The following PLCG2 variants were observed in gnomAD, a reference collection of about 807,000 sequenced individuals.
PLCG2 encodes the protein 1-phosphatidylinositol 4,5-bisphosphate phosphodiesterase gamma-2.
A neutral mutation model predicts 175.6 loss-of-function variants in PLCG2; 69 were observed. The ratio of observed to expected loss-of-function variants is 0.39; its 90% CI spans 0.32 to 0.48. The LOEUF is 0.48. Among genes scored for constraint, PLCG2 ranks in the 20% least tolerant of loss-of-function variants. The probability of loss-of-function intolerance (pLI) is 0.91; values close to 1 mark genes in which losing one functional copy is unlikely to be tolerated. For synonymous variants in PLCG2, 827 were observed against 624.0 expected (o/e 1.33, Z -4.85); for missense variants, 1,798 against 1,650.9 (o/e 1.09, Z -1.54).
At chr16:81,823,402 C>A (rs954339233) in intron 2 of PLCG2, among the ~76,000 whole-genome samples, 1 of 152,204 alleles carries the variant, frequency 6.6e-6, no homozygotes, top group Non-Finnish European at 1.5e-5. Flanking sequence ...GCTCCCCACC[C>A]CTCGCCCCAT....
intron 2 of PLCG2, among the ~76,000 whole-genome samples, chr16:81,805,296 G>A (rs1911945689): frequency 1.3e-5 from 2 of 151,982 alleles, no homozygotes; most frequent in Admixed American, 6.6e-5. Context: ...TCAGGAGATC[G>A]AGACCATCCT....
In PLCG2 at chr16:81,786,000, C is replaced by G. The variant is rs199972098; in HGVS notation, c.11C>G (p.Thr4Arg). 1 of 1,613,544 alleles carries G rather than the reference C, an allele frequency of 6.2e-7. No individual in the cohort carries two copies. Among genetic ancestry groups the G allele is most frequent in the Non-Finnish European group, 8.5e-7 (1 of 1,179,606 alleles). Residue 4 changes from threonine (T) to arginine (R), a missense_variant, in exon 2 of 33, where the codon ACG becomes AGG. By Grantham distance (71) the Thr-to-Arg change is moderately conservative. Transcript: ENST00000564138. MST[T>R]VNVDSLAEYE... ...CTGGAGCGGCCGACAATGTCCACCACGGTCAATGTAGATTCCCTTGCGGAA... is the reference window on the plus strand; with the variant it reads ...CTGGAGCGGCCGACAATGTCCACCAGGGTCAATGTAGATTCCCTTGCGGAA...
intron 21 of PLCG2, among the ~76,000 whole-genome samples, chr16:81,921,887 T>G (rs1388701193): frequency 6.6e-6 from 1 of 152,234 alleles, no homozygotes; most frequent in African/African-American, 2.4e-5. Flanking sequence ...AAATTTATAA[T>G]CCATGGCCAA....
intron 30 of PLCG2, 42 bp downstream of exon 30, chr16:81,940,101 T>C (rs748743758): frequency 1.3e-6 from 2 of 1,541,196 alleles, no homozygotes; most frequent in Non-Finnish European, 1.8e-6. Flanking sequence ...TGGGCTGGCG[T>C]TGTACTTTGG....
chr16:81,931,084 T>C (rs1212794923), intron 24 of PLCG2, among the ~76,000 whole-genome samples: 1 of 152,104 alleles, frequency 6.6e-6, no homozygotes, highest in Admixed American at 6.5e-5. Context: ...TTTTTCAGGT[T>C]CTCTCATGCA....
intron 2 of PLCG2, among the ~76,000 whole-genome samples, chr16:81,793,252 A>G (rs1298478869): frequency 6.6e-6 from 1 of 152,142 alleles, no homozygotes; most frequent in Non-Finnish European, 1.5e-5. Context: ...TTGTCTGTGA[A>G]TGTCGGGAGG....
rs776062417 is a variant in PLCG2, at chr16:81,891,573, C to T, written c.969C>T (p.Ile323=). 3 of 1,585,826 alleles carry T rather than the reference C, an allele frequency of 1.9e-6. No homozygotes were observed. Among genetic ancestry groups the T allele is most frequent in the Non-Finnish European group, 1.7e-6 (2 of 1,154,422 alleles). Residue 323 remains isoleucine, a synonymous_variant, in exon 11 of 33, where the codon ATC becomes ATT. Coordinates refer to ENST00000564138, the MANE Select transcript of PLCG2 (RefSeq NM_002661.5). ...ACAACCCCCTGTCTCATTACTGGATCTCCTCGTCACATAACACGTGAGTTT... is the reference window on the plus strand; with the variant it reads ...ACAACCCCCTGTCTCATTACTGGATTTCCTCGTCACATAACACGTGAGTTT... ...DMNNPLSHYW[I]SSSHNTYLTG...
At chr16:81,782,343 A>T (rs1054963843) in intron 1 of PLCG2, among the ~76,000 whole-genome samples, 1 of 152,202 alleles carries the variant, frequency 6.6e-6, no homozygotes, top group Non-Finnish European at 1.5e-5. Context: ...AGAATTACCC[A>T]TTAAGAATGG....
At chr16:81,904,511 G>A (rs1020878275) in intron 14 of PLCG2, among the ~76,000 whole-genome samples, 2 of 152,178 alleles carry the variant, frequency 1.3e-5, no homozygotes, top group African/African-American at 4.8e-5. Context: ...CACACAGCTG[G>A]TAGAATAGCT....
chr16:81,817,428 G>A (rs552464280), intron 2 of PLCG2, among the ~76,000 whole-genome samples: 11 of 152,296 alleles, frequency 7.2e-5, no homozygotes, highest in South Asian at 6.2e-4. Flanking sequence ...AAGGAGTTTC[G>A]CTTTTGTTGC....
chr16:81,816,466 C>A (rs1567478997), intron 2 of PLCG2, among the ~76,000 whole-genome samples: 1 of 118,632 alleles, frequency 8.4e-6, no homozygotes, highest in Non-Finnish European at 1.7e-5. Flanking sequence ...GAGAAGGAGA[C>A]CTTTTCCCTC....
At chr16:81,831,831 G>A (rs893964923) in intron 2 of PLCG2, among the ~76,000 whole-genome samples, 4 of 152,182 alleles carry the variant, frequency 2.6e-5, no homozygotes, top group Non-Finnish European at 4.4e-5. Flanking sequence ...CTGCCGGGAG[G>A]CCACGCTAGC....
At chr16:81,764,336 A>G (rs1052286466) in intron 2 of PLCG2, among the ~76,000 whole-genome samples, 31 of 152,162 alleles carry the variant, frequency 2.0e-4, no homozygotes, top group Admixed American at 2.0e-3. Flanking sequence ...GTGAAAAGTT[A>G]CAAAGATCTG....
intron 2 of PLCG2, among the ~76,000 whole-genome samples, chr16:81,839,989 C>T (rs79465773): frequency 0.013 from 1,904 of 152,242 alleles, 21 homozygotes; most frequent in Non-Finnish European, 0.018. Context: ...CCTACGAGTT[C>T]AAGGATGCAG....
rs1909324728 is a variant in PLCG2, at chr16:81,905,441, C to T, written c.1401C>T (p.Asn467=). Residue 467 remains asparagine (N), a synonymous_variant, in exon 15 of 33, where the codon AAC becomes AAT. Coordinates refer to ENST00000564138, the MANE Select transcript of PLCG2 (RefSeq NM_002661.5). Reference sequence around the variant, plus strand: ...GCCCCCGAGGCGATGTGGATGTCAACATGGAGGACAAGAAGGACGAACACA... The same window carrying T: ...GCCCCCGAGGCGATGTGGATGTCAATATGGAGGACAAGAAGGACGAACACA... ...KLGPRGDVDV[N]MEDKKDEHKQ... The T allele has an allele frequency of 6.2e-7, 1 of 1,614,172 alleles. No individual in the cohort carries two copies. The highest frequency in any genetic ancestry group is 1.3e-5 in the African/African-American group (1 of 75,056).
chr16:81,840,493 G>A (rs2143421880), intron 2 of PLCG2, among the ~76,000 whole-genome samples: 1 of 152,280 alleles, frequency 6.6e-6, no homozygotes, highest in Admixed American at 6.5e-5. Context: ...TAGAATCAGT[G>A]GGAGACCTGA....
intron 2 of PLCG2, among the ~76,000 whole-genome samples, chr16:81,815,430 C>G (rs997221191): frequency 2.0e-5 from 3 of 152,184 alleles, no homozygotes; most frequent in African/African-American, 7.2e-5. Context: ...CCCTGTCTTT[C>G]CAGCGGGAAA....
chr16:81,749,905 C>G (rs1211790514), intron 1 of PLCG2, among the ~76,000 whole-genome samples: 2 of 152,136 alleles, frequency 1.3e-5, no homozygotes, highest in African/African-American at 4.8e-5. Context: ...AGCTGCTTCA[C>G]TTAAGTGTAA....
chr16:81,832,787 C>A (rs950901397), intron 2 of PLCG2, among the ~76,000 whole-genome samples: 1 of 152,348 alleles, frequency 6.6e-6, no homozygotes, highest in South Asian at 2.1e-4. Context: ...TCTTGCAAAG[C>A]TAGAGAATGA....
Sources: allele counts gnomAD v4.1 joint callset (sites outside exome capture counted in the v4.1 genomes callset), GRCh38; gene constraint gnomAD v4.1.1; transcripts MANE v1.5; gene names NCBI Gene and HGNC (gene_info 2026-07-23, HGNC 2026-07-21).